Variants in SCAPER observed in about 807,000 individuals in gnomAD.
SCAPER encodes S phase cyclin A-associated protein in the endoplasmic reticulum.
Under a neutral mutation model 182.2 loss-of-function variants are expected in SCAPER, and 98 were observed. That is an observed-to-expected ratio of 0.54 (90% CI 0.46 to 0.64). The LOEUF (loss-of-function observed/expected upper bound fraction) is 0.64, where lower values mean the gene tolerates loss of function less well. SCAPER is among the 30% of genes least tolerant of loss of function. The probability of loss-of-function intolerance (pLI) is 0.00; values close to 1 mark genes in which losing one functional copy is unlikely to be tolerated. For missense variants in SCAPER, 1,432 were observed against 1,690.0 expected, an observed-to-expected ratio of 0.85 and a Z score of 2.68; for synonymous variants, 605 against 564.6, an observed-to-expected ratio of 1.07 and a Z score of -1.01.
At chr15:76,852,583 A>G (rs1272965148) in intron 4 of SCAPER, among the ~76,000 whole-genome samples, 1 of 152,268 alleles carries the variant, frequency 6.6e-6, no homozygotes, top group East Asian at 1.9e-4. Flanking sequence ...ATGTACTTGA[A>G]TGAATTCTGA....
intron 20 of SCAPER, among the ~76,000 whole-genome samples, chr15:76,695,616 G>GA (rs1477600581): frequency 2.0e-5 from 3 of 149,428 alleles, no homozygotes; most frequent in Admixed American, 6.7e-5. Flanking sequence ...AAAGAAAAAA[G>GA]AAAAAAAACT....
intron 15 of SCAPER, among the ~76,000 whole-genome samples, chr15:76,752,139 A>G (rs2151184318): frequency 6.6e-6 from 1 of 152,026 alleles, no homozygotes; most frequent in South Asian, 2.1e-4. Context: ...GATGCTCAAC[A>G]TCACTAATCA....
At chr15:76,580,807 A>C (rs1416283002) in intron 22 of SCAPER, among the ~76,000 whole-genome samples, 8 of 152,136 alleles carry the variant, frequency 5.3e-5, no homozygotes, top group Admixed American at 3.3e-4. Context: ...GAAATTATAA[A>C]GATCAGAGCA....
intron 2 of SCAPER, among the ~76,000 whole-genome samples, chr15:76,877,049 A>C (rs1274342822): frequency 6.6e-6 from 1 of 152,092 alleles, no homozygotes; most frequent in Non-Finnish European, 1.5e-5. Context: ...CAGCCTGGGA[A>C]ACATAGGGAG....
At chr15:76,498,913 T>C (rs1017302366) in intron 24 of SCAPER, among the ~76,000 whole-genome samples, 2 of 152,094 alleles carry the variant, frequency 1.3e-5, no homozygotes, top group East Asian at 1.9e-4. Flanking sequence ...ATGGATTTAC[T>C]ATAGGCAGAT....
chr15:76,866,086 C>A (rs2072272035), intron 2 of SCAPER, among the ~76,000 whole-genome samples: 1 of 152,182 alleles, frequency 6.6e-6, no homozygotes, highest in Admixed American at 6.5e-5. Context: ...CTAACTTACA[C>A]TGGCATCTAT....
At chr15:76,790,204 C>A (rs1327189410) in intron 8 of SCAPER, among the ~76,000 whole-genome samples, 1 of 147,766 alleles carries the variant, frequency 6.8e-6, no homozygotes, top group African/African-American at 2.5e-5. Context: ...GCACTCCAGC[C>A]TGGGAGACAG....
At chr15:76,841,672 A>T in intron 5 of SCAPER, 62 bp downstream of exon 5, 1 of 1,534,878 alleles carries the variant, frequency 6.5e-7, no homozygotes, top group African/African-American at 1.4e-5. Flanking sequence ...ATCAAGTCAC[A>T]TGTAGCAAAA....
intron 22 of SCAPER, 132 bp from the exon 23 acceptor site, chr15:76,574,416 G>GA (rs1392225239): frequency 6.5e-6 from 6 of 929,024 alleles, no homozygotes; most frequent in East Asian, 5.7e-5. Flanking sequence ...TCTGAGGGGA[G>GA]AAAAAACCAG....
intron 20 of SCAPER, among the ~76,000 whole-genome samples, chr15:76,688,543 T>G (rs1054829187): frequency 1.3e-5 from 2 of 152,208 alleles, no homozygotes; most frequent in Non-Finnish European, 2.9e-5. Flanking sequence ...TGCCTAGGTT[T>G]TCTTCTACAA....
intron 25 of SCAPER, among the ~76,000 whole-genome samples, chr15:76,435,309 T>C (rs2047128440): frequency 6.6e-6 from 1 of 152,234 alleles, no homozygotes; most frequent in Admixed American, 6.5e-5. Flanking sequence ...TCACAGCTAA[T>C]CTACTTAATA....
At chr15:76,704,427 G>A (rs955405713) in intron 18 of SCAPER, among the ~76,000 whole-genome samples, 6 of 152,140 alleles carry the variant, frequency 3.9e-5, no homozygotes, top group Non-Finnish European at 7.4e-5. Flanking sequence ...TAATGCCTAG[G>A]TTTTCTTCTA....
At chr15:76,519,594 A>G (rs1156278009) in intron 23 of SCAPER, among the ~76,000 whole-genome samples, 1 of 152,244 alleles carries the variant, frequency 6.6e-6, no homozygotes, top group Non-Finnish European at 1.5e-5. Context: ...TCCACTGTTC[A>G]GAAGCTATTA....
chr15:76,639,642 G>A (rs1403233844), intron 21 of SCAPER, among the ~76,000 whole-genome samples: 1 of 152,040 alleles, frequency 6.6e-6, no homozygotes, highest in East Asian at 1.9e-4. Flanking sequence ...ATTCAAAGAT[G>A]GGATAGTAAA....
chr15:76,828,156 G>C (rs2068164193), intron 5 of SCAPER, among the ~76,000 whole-genome samples: 1 of 151,850 alleles, frequency 6.6e-6, no homozygotes, highest in Non-Finnish European at 1.5e-5. Context: ...GCCCAAACCA[G>C]ATAAAGCCTG....
At chr15:76,460,265 T>C (rs1277917236) in intron 25 of SCAPER, among the ~76,000 whole-genome samples, 4 of 152,172 alleles carry the variant, frequency 2.6e-5, no homozygotes, top group Admixed American at 2.0e-4. Flanking sequence ...GTTTTCCTTG[T>C]AGATGTCTTT....
At chr15:76,486,871 A>G (rs570610239) in intron 24 of SCAPER, among the ~76,000 whole-genome samples, 83 of 152,364 alleles carry the variant, frequency 5.4e-4, no homozygotes, top group African/African-American at 1.9e-3. Flanking sequence ...AAATTGGTCT[A>G]TTGGAAAGAC....
Position 76,703,160 on chromosome 15 carries a change from T to C in SCAPER, c.2248-158A>G, listed in dbSNP as rs1211767746. Reference sequence around the variant, plus strand: ...CAAAGCTTTACACAAAGCCCTTTAATATCACCCACATGAACAGTAATGTTT... The same window carrying C: ...CAAAGCTTTACACAAAGCCCTTTAACATCACCCACATGAACAGTAATGTTT... On this transcript the variant is annotated intron_variant, in intron 18 of 31. Coordinates refer to ENST00000563290, the MANE Select transcript of SCAPER (RefSeq NM_020843.4). Among the ~76,000 whole-genome samples the C allele has an allele frequency of 1.1e-4, 16 of 152,220 alleles. 1 individual carries two copies. The highest frequency in any genetic ancestry group is 2.9e-5 in the Non-Finnish European group (2 of 68,046).
chr15:76,721,992 C>G (rs1188969753), intron 17 of SCAPER, among the ~76,000 whole-genome samples: 1 of 152,126 alleles, frequency 6.6e-6, no homozygotes, highest in African/African-American at 2.4e-5. Flanking sequence ...AGAGGGCATC[C>G]CTGTCTTGTG....
Sources: allele counts gnomAD v4.1 joint callset (sites outside exome capture counted in the v4.1 genomes callset), GRCh38; gene constraint gnomAD v4.1.1; transcripts MANE v1.5; gene names NCBI Gene and HGNC (gene_info 2026-07-23, HGNC 2026-07-21).